The following NAALADL1 variants were observed in gnomAD, a reference collection of about 807,000 sequenced individuals.
The protein encoded by NAALADL1 is N-acetylated alpha-linked acidic dipeptidase like 1.
A neutral mutation model predicts 82.8 loss-of-function variants in NAALADL1; 77 were observed. That is an observed-to-expected ratio of 0.93 (90% CI 0.77 to 1.12). The LOEUF (loss-of-function observed/expected upper bound fraction) is 1.12. Ranked by LOEUF, NAALADL1 falls within the 50% of genes most tolerant of loss-of-function variation. The probability of loss-of-function intolerance (pLI) is 0.00; values close to 1 mark genes in which losing one functional copy is unlikely to be tolerated. For missense variants in NAALADL1, 956 were observed against 964.0 expected, an observed-to-expected ratio of 0.99 and a Z score of 0.11; for synonymous variants, 358 against 399.2, an observed-to-expected ratio of 0.90 and a Z score of 1.23.
Position 65,057,953 on chromosome 11 carries a change from C to T in NAALADL1, c.402G>A (p.Glu134=), listed in dbSNP as rs990106085. The part of the protein sequence containing the change: ...GGIIHSCHRT[E]ENVTGEQGGP... ...CCCCTTGCTCCCCGGTCACGTTCTC[C>T]TCAGTCCGGTGGCAGGAGTGGATGA... The change falls in exon 3 of 18, where the codon GAG becomes GAA. Residue 134 remains glutamate, a synonymous_variant. Transcript: ENST00000358658. The T allele has an allele frequency of 3.1e-6, 5 of 1,614,030 alleles. No individual in the cohort carries two copies. Among genetic ancestry groups the T allele is most frequent in the Non-Finnish European group, 3.4e-6 (4 of 1,180,010 alleles).
At position 65,045,088 on chromosome 11, in the gene NAALADL1, A is replaced by C. The variant is rs1383021630; in HGVS notation, c.*183T>G. 1.5e-6 allele frequency: 1 copy of C among 689,630 alleles called. No homozygotes were observed. Among genetic ancestry groups the C allele is most frequent in the Non-Finnish European group, 2.4e-6 (1 of 421,294 alleles). 42.7% of individuals were successfully genotyped at this position (689,630 alleles called of 1,614,324 possible). A position where few individuals can be genotyped will look rare whatever the true frequency, so the allele number is the denominator to read the frequency against. Reference sequence around the variant, plus strand: ...GCCCACCCTCTGCCACCTAAGCACCAGGATGAGGGTGAGTTGCATTAGGGC... The same window carrying C: ...GCCCACCCTCTGCCACCTAAGCACCCGGATGAGGGTGAGTTGCATTAGGGC... On this transcript the variant is annotated 3_prime_UTR_variant, in exon 18 of 18. Transcript: ENST00000358658.
Position 65,048,013 on chromosome 11 carries a change from C to G in NAALADL1, c.1384G>C (p.Val462Leu). The change falls in exon 11 of 18, where the codon GTC (valine) becomes CTC (leucine). Residue 462 changes from valine to leucine, a missense_variant. Coordinates refer to ENST00000358658, the MANE Select transcript of NAALADL1 (RefSeq NM_005468.3). ...ATLRVQGTPP[V>L]QSVVFSATKE... ...GTTGCAGAGAAGACGACGCTCTGGA[C>G]AGGGGGCGTCCCCTGCACCCTAAGG... The G allele has an allele frequency of 3.1e-6, 5 of 1,613,434 alleles. No homozygotes were observed. Among genetic ancestry groups the G allele is most frequent in the Non-Finnish European group, 4.2e-6 (5 of 1,179,782 alleles).
chr11:65,058,694 C>A (rs1947118550), upstream of NAALADL1: 1 of 640,234 alleles, frequency 1.6e-6, no homozygotes. Flanking sequence ...TCCACATCCA[C>A]CACATCCTGC....
At chr11:65,047,906 C>CA in intron 11 of NAALADL1, 75 bp downstream of exon 11, 4 of 1,292,228 alleles carry the variant, frequency 3.1e-6, no homozygotes, top group Non-Finnish European at 4.3e-6. Flanking sequence ...CAGCCCCGCC[C>CA]ACCCGTAGCG....
chr11:65,056,779 G>A (rs1947052208), intron 4 of NAALADL1, among the ~76,000 whole-genome samples: 1 of 148,672 alleles, frequency 6.7e-6, no homozygotes, highest in African/African-American at 2.5e-5. Flanking sequence ...GTGCAGTGGT[G>A]CAATCTCAGC....
rs932689115 is a variant in NAALADL1, at chr11:65,045,427, G to A, written c.2067C>T (p.Ser689=). Residue 689 remains serine (S), a synonymous_variant, in exon 18 of 18, where the codon TCC becomes TCT. Transcript: ENST00000358658. ...TGGATAGGCCCGGGAATGTGACTACGGAGCCCGTGCGAGGTGCCCAGAGCA... is the reference window on the plus strand; with the variant it reads ...TGGATAGGCCCGGGAATGTGACTACAGAGCCCGTGCGAGGTGCCCAGAGCA... ...SHVLWAPRTG[S]VVTFPGLSNA... is the part of the protein sequence containing the mutation. The A allele has an allele frequency of 1.4e-5, 23 of 1,612,062 alleles. No individual in the cohort carries two copies. The highest frequency in any genetic ancestry group is 4.5e-5 in the East Asian group (2 of 44,860).
At chr11:65,048,080 C>T (rs769738538) in intron 10 of NAALADL1, 32 bp from the exon 11 acceptor site, 6 of 1,613,874 alleles carry the variant, frequency 3.7e-6, no homozygotes, top group South Asian at 1.1e-5. Context: ...ACTATTTGGG[C>T]CCCAGCCCCT....
Position 65,053,206 on chromosome 11 carries a change from G to T in NAALADL1, c.1198+12C>A, listed in dbSNP as rs766679856. ...GCGAAGGTCCCTGGTCCAGGGGAGG[G>T]GGCCGCCTCACCCTTCTTCAGCAGG... On this transcript the variant is annotated intron_variant, in intron 8 of 17. Coordinates refer to ENST00000358658, the MANE Select transcript of NAALADL1 (RefSeq NM_005468.3). This position sits in a 1 kb window ranked among gnomAD's most constrained non-coding sequence, Gnocchi z 4.3. 1 of 1,531,114 alleles carries T rather than the reference G, an allele frequency of 6.5e-7. No individual in the cohort carries two copies. Among genetic ancestry groups the T allele is most frequent in the Non-Finnish European group, 8.8e-7 (1 of 1,137,094 alleles). 94.8% of individuals were successfully genotyped at this position (1,531,114 alleles called of 1,614,324 possible).
In NAALADL1 at chr11:65,045,509, A is replaced by G. The variant is rs771456908; in HGVS notation, c.2037-52T>C. The G allele has an allele frequency of 5.9e-6, 9 of 1,518,684 alleles. No homozygotes were observed. The Admixed American group carries it at 8.3e-5, about 14-fold the overall frequency. The allele number at this position is 1,518,684 out of a possible 1,614,324, so 94.1% of individuals were successfully genotyped here. A position where few individuals can be genotyped will look rare whatever the true frequency, so the allele number is the denominator to read the frequency against. On this transcript the variant is annotated intron_variant, in intron 17 of 17. Coordinates refer to ENST00000358658, the MANE Select transcript of NAALADL1 (RefSeq NM_005468.3). Reference sequence around the variant, plus strand: ...GGGTCAGTCAGTCAGGGGCCAGGAAAGAGAAGCCTGGGCCTAGAACTGGCT... The same window carrying G: ...GGGTCAGTCAGTCAGGGGCCAGGAAGGAGAAGCCTGGGCCTAGAACTGGCT...
At chr11:65,046,395 T>C (rs763308345) in intron 14 of NAALADL1, 33 bp from the exon 15 acceptor site, 5 of 1,614,216 alleles carry the variant, frequency 3.1e-6, no homozygotes, top group Non-Finnish European at 4.2e-6. Context: ...GGGCTCAGTC[T>C]TCAGCCTCTC....
rs766083643 is a variant in NAALADL1, at chr11:65,057,861, G to A, written c.480+14C>T. 2.5e-6 allele frequency: 4 copies of A among 1,613,242 alleles called. No individual in the cohort carries two copies. In the East Asian group the frequency reaches 6.7e-5, roughly 27 times the overall value. On this transcript the variant is annotated intron_variant, in intron 3 of 17. Transcript: ENST00000358658. Reference sequence around the variant, plus strand: ...GGAGCTGGGCCAGAGCAGTAGGGGGGGTTCTGGGCCCACCTGTGGGGTTCC... The same window carrying A: ...GGAGCTGGGCCAGAGCAGTAGGGGGAGTTCTGGGCCCACCTGTGGGGTTCC...
chr11:65,050,905 T>C (rs1439589481), intron 8 of NAALADL1, among the ~76,000 whole-genome samples: 1 of 152,166 alleles, frequency 6.6e-6, no homozygotes, highest in Non-Finnish European at 1.5e-5. Flanking sequence ...TTCCCCAGGC[T>C]GGTCTTAAAC....
chr11:65,053,586 G>A lies in NAALADL1; in HGVS notation c.993-10C>T, dbSNP rs1432393842. The A allele has an allele frequency of 1.3e-6, 2 of 1,582,676 alleles. No individual in the cohort carries two copies. The highest frequency in any genetic ancestry group is 3.4e-5 in the Admixed American group (2 of 58,038). ...GCTCACATTCACCTGGCTGGGGAGGGTGAAGGGTGTGAGAAGACTCTTGGC... is the reference window on the plus strand; with the variant it reads ...GCTCACATTCACCTGGCTGGGGAGGATGAAGGGTGTGAGAAGACTCTTGGC... On this transcript the variant is annotated splice_polypyrimidine_tract_variant and intron_variant, in intron 6 of 17. Transcript: ENST00000358658. This position sits in a 1 kb window ranked among gnomAD's most constrained non-coding sequence, Gnocchi z 4.3.
chr11:65,057,628 C>A, intron 3 of NAALADL1, 135 bp from the exon 4 acceptor site: 1 of 1,317,190 alleles, frequency 7.6e-7, no homozygotes. Context: ...GTAAGCTCCC[C>A]AAGAACAGTC....
In NAALADL1 at chr11:65,058,245, A is replaced by C; in HGVS notation, c.191T>G (p.Leu64Arg). 1.2e-6 allele frequency: 2 copies of C among 1,613,250 alleles called. No individual in the cohort carries two copies. The highest frequency in any genetic ancestry group is 2.2e-5 in the South Asian group (2 of 91,056). Reference protein sequence around the residue: ...AHRIRENLRELSREPHLASSP... With the variant: ...AHRIRENLRERSREPHLASSP... ...GGAGGCCAGGTGTGGCTCCCTGGAG[A>C]GTTCTCTGCAGGGTGGGCAGAGGGA... is the stretch of plus-strand genomic sequence containing the variant. Residue 64 changes from leucine to arginine, a missense_variant, in exon 2 of 18, where the codon CTC becomes CGC. Transcript: ENST00000358658.
At chr11:65,057,305 TTC>T in intron 4 of NAALADL1, 64 bp downstream of exon 4, 2 of 1,521,322 alleles carry the variant, frequency 1.3e-6, no homozygotes, top group South Asian at 2.6e-5. Context: ...TTCCCCTCAC[TTC>T]CTCCAGTCCA....
intron 4 of NAALADL1, among the ~76,000 whole-genome samples, chr11:65,055,949 G>C (rs1449804309): frequency 7.0e-6 from 1 of 143,854 alleles, no homozygotes; most frequent in Non-Finnish European, 1.5e-5. Flanking sequence ...GCAATGGCAT[G>C]ATCTCGGCTC....
intron 16 of NAALADL1, 34 bp from the exon 17 acceptor site, chr11:65,045,948 G>A (rs751176915): frequency 1.9e-6 from 3 of 1,612,734 alleles, no homozygotes; most frequent in Non-Finnish European, 8.5e-7. Flanking sequence ...AGTCACCCTG[G>A]AGCCAGCAGC....
Position 65,045,224 on chromosome 11 carries a change from C to A in NAALADL1, c.*47G>T. ...GACCAGGACATCTCAGGAAAGCAGG[C>A]AGGAGAGGGTTGGAGTAAAGGGAGG... On this transcript the variant is annotated 3_prime_UTR_variant, in exon 18 of 18. Transcript: ENST00000358658. 1 of 1,580,904 alleles carries A rather than the reference C, an allele frequency of 6.3e-7. No homozygotes were observed. Among genetic ancestry groups the A allele is most frequent in the Admixed American group, 1.8e-5 (1 of 56,340 alleles).
Sources: allele counts gnomAD v4.1 joint callset (sites outside exome capture counted in the v4.1 genomes callset), GRCh38; gene constraint gnomAD v4.1.1; non-coding constraint Gnocchi (gnomAD v3.1); transcripts MANE v1.5; gene names NCBI Gene and HGNC (gene_info 2026-07-23, HGNC 2026-07-21).